Variants in ADAMTSL3 observed in about 807,000 individuals in gnomAD.
ADAMTSL3 encodes ADAMTS-like protein 3.
A neutral mutation model predicts 201.7 loss-of-function variants in ADAMTSL3; 128 were observed. The ratio of observed to expected loss-of-function variants is 0.63; its 90% CI spans 0.55 to 0.73. The LOEUF (loss-of-function observed/expected upper bound fraction) is 0.73, where lower values mean the gene tolerates loss of function less well. Among genes scored for constraint, ADAMTSL3 ranks in the 30% least tolerant of loss-of-function variants. ADAMTSL3 has a pLI of 0.00. For missense variants in ADAMTSL3, 1,990 were observed against 2,119.6 expected, an observed-to-expected ratio of 0.94 and a Z score of 1.20; for synonymous variants, 738 against 748.4, an observed-to-expected ratio of 0.99 and a Z score of 0.23.
At chr15:83,868,818 T>C (rs913360774) in intron 8 of ADAMTSL3, among the ~76,000 whole-genome samples, 15 of 152,208 alleles carry the variant, frequency 9.9e-5, no homozygotes, top group African/African-American at 3.6e-4. Context: ...CTGAGACTCT[T>C]AGACACCATT....
At chr15:83,737,326 C>A (rs111283779) in intron 3 of ADAMTSL3, among the ~76,000 whole-genome samples, 39 of 152,196 alleles carry the variant, frequency 2.6e-4, no homozygotes, top group African/African-American at 8.4e-4. Flanking sequence ...TGTCTCCTCC[C>A]AAATCTCATC....
At chr15:84,025,181 CCCCTCT>C in intron 26 of ADAMTSL3, 51 bp from the exon 27 acceptor site, 6 of 1,459,988 alleles carry the variant, frequency 4.1e-6, no homozygotes, top group African/African-American at 1.4e-5. Context: ...GATGAGACGC[CCCCTCT>C]AAGATCTGGC....
chr15:83,742,312 G>A lies in ADAMTSL3; in HGVS notation c.190-31211G>A, dbSNP rs150460286. 7.9e-5 allele frequency among the ~76,000 whole-genome samples: 12 copies of A among 152,164 alleles called. No homozygotes were observed. The East Asian group carries it at 2.3e-3, about 29-fold the overall frequency. On this transcript the variant is annotated intron_variant, in intron 3 of 29. Transcript: ENST00000286744. ...CATGAAAATGAAAAATTTTCAAACA[G>A]CCTTATGTTAACCTTAGGCTTACAG...
chr15:83,892,859 C>T lies in ADAMTSL3; in HGVS notation c.1438C>T (p.Pro480Ser). The T allele has an allele frequency of 6.2e-7, 1 of 1,613,956 alleles. No homozygotes were observed. The highest frequency in any genetic ancestry group is 1.1e-5 in the South Asian group (1 of 91,058). Reference sequence around the variant, plus strand: ...GCAAACTTGTAATCTGTTTGATTGCCCCAAGTGGATTGCCATGGAGTGGTC... The same window carrying T: ...GCAAACTTGTAATCTGTTTGATTGCTCCAAGTGGATTGCCATGGAGTGGTC... Reference protein sequence around the residue: ...VMQTCNLFDCPKWIAMEWSQC... With the variant: ...VMQTCNLFDCSKWIAMEWSQC... The change falls in exon 13 of 30, where the codon CCC becomes TCC. Residue 480 changes from proline to serine, a missense_variant. Pro to Ser is a moderately conservative substitution (Grantham distance 74). Coordinates refer to ENST00000286744, the MANE Select transcript of ADAMTSL3 (RefSeq NM_207517.3).
At chr15:84,019,115 AGT>A (rs2068146439) in intron 25 of ADAMTSL3, among the ~76,000 whole-genome samples, 1 of 150,464 alleles carries the variant, frequency 6.6e-6, no homozygotes, top group Non-Finnish European at 1.5e-5. Flanking sequence ...ACACACACAC[AGT>A]GGGCAACAGA....
chr15:83,927,866 C>T (rs1361797469), intron 17 of ADAMTSL3, among the ~76,000 whole-genome samples: 1 of 152,076 alleles, frequency 6.6e-6, no homozygotes, highest in African/African-American at 2.4e-5. Flanking sequence ...CACTAGCCAT[C>T]CCCTTTGTCT....
intron 9 of ADAMTSL3, among the ~76,000 whole-genome samples, chr15:83,883,856 G>A (rs1252792106): frequency 6.6e-6 from 1 of 151,718 alleles, no homozygotes; most frequent in Non-Finnish European, 1.5e-5. Context: ...GTGAGCCACT[G>A]TGCCTGGCCT....
rs187365149 is a variant in ADAMTSL3, at chr15:83,747,481, T to C, written c.190-26042T>C. 3.3e-4 allele frequency among the ~76,000 whole-genome samples: 51 copies of C among 152,288 alleles called. No individual in the cohort carries two copies. The East Asian group carries it at 6.7e-3, about 20-fold the overall frequency. ...TTCCTCTCAGGTACCCATCCAGATC[T>C]GTCCACAAGTGTGAGAGAAGGCTTG... On this transcript the variant is annotated intron_variant, in intron 3 of 29. Coordinates refer to ENST00000286744, the MANE Select transcript of ADAMTSL3 (RefSeq NM_207517.3).
intron 5 of ADAMTSL3, 140 bp downstream of exon 5, chr15:83,804,835 A>G: frequency 1.8e-6 from 1 of 550,364 alleles, no homozygotes; most frequent in Non-Finnish European, 3.0e-6. Context: ...TTGACAACAG[A>G]TTTTGTATAT....
At chr15:83,893,264 A>G (rs1436188119) in intron 13 of ADAMTSL3, among the ~76,000 whole-genome samples, 1 of 152,224 alleles carries the variant, frequency 6.6e-6, no homozygotes, top group African/African-American at 2.4e-5. Flanking sequence ...AAGAATTACA[A>G]TTTAAATTGT....
At chr15:83,810,812 C>T (rs1384221525) in intron 5 of ADAMTSL3, among the ~76,000 whole-genome samples, 2 of 152,282 alleles carry the variant, frequency 1.3e-5, no homozygotes, top group African/African-American at 4.8e-5. Context: ...GATCTCAGCT[C>T]ACTGAAACCT....
chr15:83,801,643 TAAATATAA>T (rs1416885681), intron 4 of ADAMTSL3, among the ~76,000 whole-genome samples: 8 of 40,290 alleles, frequency 2.0e-4, no homozygotes, highest in South Asian at 1.1e-3. Flanking sequence ...TATAAATATA[TAAATATAA>T]ATATATATAT....
At chr15:83,900,735 A>T (rs1340137974) in intron 15 of ADAMTSL3, among the ~76,000 whole-genome samples, 2 of 152,180 alleles carry the variant, frequency 1.3e-5, no homozygotes, top group Non-Finnish European at 2.9e-5. Context: ...TATTTGCAAG[A>T]TCTTTTTCTT....
At chr15:83,939,023 C>T (rs1396135096) in intron 17 of ADAMTSL3, among the ~76,000 whole-genome samples, 2 of 152,100 alleles carry the variant, frequency 1.3e-5, no homozygotes, top group Non-Finnish European at 2.9e-5. Context: ...AAATGTTTTT[C>T]TGTCTCTATT....
chr15:83,945,750 C>T (rs1275520063), intron 19 of ADAMTSL3: 1 of 152,194 alleles, frequency 6.6e-6, no homozygotes, highest in Non-Finnish European at 1.5e-5. Flanking sequence ...GGCCCAAGGA[C>T]TAGTCAAATT....
chr15:83,986,635 C>G (rs1053491549), intron 21 of ADAMTSL3, among the ~76,000 whole-genome samples: 1 of 152,158 alleles, frequency 6.6e-6, no homozygotes, highest in Non-Finnish European at 1.5e-5. Flanking sequence ...ATGTTCTCAT[C>G]TTTAAATATA....
intron 22 of ADAMTSL3, among the ~76,000 whole-genome samples, 157 bp downstream of exon 22, chr15:83,988,975 G>A (rs1480297563): frequency 6.6e-6 from 1 of 151,300 alleles, no homozygotes; most frequent in Non-Finnish European, 1.5e-5. Context: ...TCCGCCTCCC[G>A]GGTTCACGCC....
chr15:83,979,927 C>T (rs1002163548), intron 20 of ADAMTSL3, among the ~76,000 whole-genome samples: 33 of 152,192 alleles, frequency 2.2e-4, no homozygotes, highest in Admixed American at 2.0e-3. Context: ...GGTCCTCGAA[C>T]TTTGCTGCAC....
At chr15:83,826,724 T>C (rs1596280888) in intron 6 of ADAMTSL3, among the ~76,000 whole-genome samples, 1 of 144,254 alleles carries the variant, frequency 6.9e-6, no homozygotes, top group East Asian at 2.1e-4. Context: ...AGTGTTCTCA[T>C]TGTTCAGTTC....
Sources: gnomAD v4.1 joint callset for allele counts (sites outside exome capture counted in the v4.1 genomes callset) on GRCh38, gnomAD v4.1.1 for gene constraint, MANE v1.5 for transcripts, NCBI Gene and HGNC (gene_info 2026-07-23, HGNC 2026-07-21) for gene names.